The following CMTM4 variants were observed in gnomAD, a reference collection of about 807,000 sequenced individuals.
CMTM4 encodes the protein CKLF-like MARVEL transmembrane domain-containing protein 4.
In CMTM4, 8 loss-of-function variants were observed where a neutral mutation model predicts 19.0. The ratio of observed to expected loss-of-function variants is 0.42; its 90% CI spans 0.25 to 0.76. The LOEUF (loss-of-function observed/expected upper bound fraction) is 0.76, where lower values mean the gene tolerates loss of function less well. Ranked by LOEUF, CMTM4 falls within the 30% of genes least tolerant of loss-of-function variation. The pLI is 0.27. For missense variants in CMTM4, 228 were observed against 290.2 expected, an observed-to-expected ratio of 0.79 and a Z score of 1.56; for synonymous variants, 106 against 121.1, an observed-to-expected ratio of 0.88 and a Z score of 0.82.
chr16:66,691,877 C>T (rs2017142113), intron 1 of CMTM4, among the ~76,000 whole-genome samples: 1 of 152,164 alleles, frequency 6.6e-6, no homozygotes, highest in Non-Finnish European at 1.5e-5. Context: ...GATATTTTCA[C>T]ACAGTTTCTT....
At chr16:66,609,799 C>A (rs760966016), downstream of CMTM4, 2 of 1,613,522 alleles carry the variant, frequency 1.2e-6, no homozygotes, top group African/African-American at 1.3e-5. This position sits in a 1 kb window ranked among gnomAD's most constrained non-coding sequence, Gnocchi z 4.4. Context: ...CCAAGCAGAT[C>A]TGAAATGGGC....
At chr16:66,600,130 GT>G in the CMTM4 span, among the ~76,000 whole-genome samples, 1 of 143,358 alleles carries the variant, frequency 7.0e-6, no homozygotes, top group African/African-American at 2.7e-5. Flanking sequence ...GTGTGTGTGT[GT>G]GTGTGTTTTT....
chr16:66,679,649 C>G (rs1225332015), intron 1 of CMTM4, among the ~76,000 whole-genome samples: 1 of 151,802 alleles, frequency 6.6e-6, no homozygotes, highest in East Asian at 1.9e-4. Flanking sequence ...CATGGTGAAA[C>G]CCTGTCTCTA....
At chr16:66,608,205 C>G in the CMTM4 span, 1 of 1,317,256 alleles carries the variant, frequency 7.6e-7, no homozygotes, top group African/African-American at 1.5e-5. The surrounding 1 kb of genome is among the most constrained non-coding windows in gnomAD (Gnocchi z 5.1). Context: ...GTTGGCTTCC[C>G]CTGCTGGAAC....
chr16:66,688,531 C>CAT, intron 1 of CMTM4, among the ~76,000 whole-genome samples: 1 of 129,346 alleles, frequency 7.7e-6, no homozygotes. Context: ...CCCCTCAACA[C>CAT]ACACACACAC....
At chr16:66,624,060 C>T (rs1320754627) in intron 2 of CMTM4, among the ~76,000 whole-genome samples, 1 of 152,198 alleles carries the variant, frequency 6.6e-6, no homozygotes, top group East Asian at 1.9e-4. Context: ...AGATTTAGCT[C>T]GTCTTATTTG....
chr16:66,634,009 G>C (rs1307079262), intron 2 of CMTM4, among the ~76,000 whole-genome samples: 2 of 152,108 alleles, frequency 1.3e-5, no homozygotes, highest in African/African-American at 2.4e-5. Flanking sequence ...ACCACCCAGA[G>C]GAAAAGAACG....
intron 1 of CMTM4, among the ~76,000 whole-genome samples, chr16:66,642,771 T>G (rs2016119132): frequency 6.6e-6 from 1 of 152,108 alleles, no homozygotes; most frequent in Non-Finnish European, 1.5e-5. Context: ...GTTGTCAGAT[T>G]TCCACAACTG....
intron 1 of CMTM4, 85 bp from the exon 2 acceptor site, chr16:66,636,666 C>T: frequency 1.8e-6 from 2 of 1,105,508 alleles, no homozygotes; most frequent in Non-Finnish European, 2.7e-6. Context: ...TTATATAACA[C>T]TGAACAACAA....
chr16:66,693,722 T>C (rs913981287), intron 1 of CMTM4, among the ~76,000 whole-genome samples: 1 of 152,080 alleles, frequency 6.6e-6, no homozygotes, highest in East Asian at 1.9e-4. Flanking sequence ...TTCTTCCGGA[T>C]GAAAAGTACA....
intron 1 of CMTM4, among the ~76,000 whole-genome samples, chr16:66,641,591 T>C (rs187949774): frequency 1.8e-4 from 28 of 152,318 alleles, no homozygotes; most frequent in Admixed American, 1.2e-3. Context: ...GACATATAGA[T>C]AGCAAGAAGC....
At chr16:66,631,792 G>A (rs1295360627) in intron 2 of CMTM4, among the ~76,000 whole-genome samples, 2 of 152,262 alleles carry the variant, frequency 1.3e-5, no homozygotes, top group East Asian at 3.9e-4. Flanking sequence ...CACAAACACT[G>A]CGGAAGGCCA....
At chr16:66,649,483 T>TATCTATCA (rs1233047297) in intron 1 of CMTM4, among the ~76,000 whole-genome samples, 1 of 151,990 alleles carries the variant, frequency 6.6e-6, no homozygotes, top group Non-Finnish European at 1.5e-5. Flanking sequence ...TCTATCTATC[T>TATCTATCA]ATCTATCTAT....
At chr16:66,666,272 GA>G (rs1249619547) in intron 1 of CMTM4, among the ~76,000 whole-genome samples, 1 of 151,798 alleles carries the variant, frequency 6.6e-6, no homozygotes, top group Non-Finnish European at 1.5e-5. Flanking sequence ...CTAACACGGT[GA>G]AACCCCGTCT....
In CMTM4 at chr16:66,621,744, G is replaced by T; in HGVS notation, c.*314C>A. 8.6e-7 allele frequency: 1 copy of T among 1,159,154 alleles called. No homozygotes were observed. The highest frequency in any genetic ancestry group is 2.8e-5 in the South Asian group (1 of 35,358). 71.8% of individuals were successfully genotyped at this position (1,159,154 alleles called of 1,614,324 possible). ...TCTTAGCAGCCCCATTTAATCCAAA[G>T]TCTTGTTACAAATACACACGACAAG... On this transcript the variant is annotated 3_prime_UTR_variant, in exon 4 of 4. Transcript: ENST00000394106.
chr16:66,636,507 A>G lies in CMTM4; in HGVS notation c.261T>C (p.Phe87=). ...ACSPCEGLYF[F]EFVSCSAFVV... is the part of the protein sequence containing the mutation. ...CAAACGCACTGCAGCTCACAAACTC[A>G]AAAAAGTAGAGGCCTTCACACGGGG... Residue 87 remains phenylalanine (F), a synonymous_variant, in exon 2 of 4, where the codon TTT becomes TTC. Transcript: ENST00000394106. 6.2e-7 allele frequency: 1 copy of G among 1,614,054 alleles called. No individual in the cohort carries two copies. The highest frequency in any genetic ancestry group is 8.5e-7 in the Non-Finnish European group (1 of 1,179,896).
At chr16:66,641,179 G>C (rs1297516295) in intron 1 of CMTM4, among the ~76,000 whole-genome samples, 1 of 152,012 alleles carries the variant, frequency 6.6e-6, no homozygotes, top group Non-Finnish European at 1.5e-5. Flanking sequence ...CGAGTAGCTG[G>C]AACTACAGGG....
At chr16:66,637,227 C>G (rs1444573115) in intron 1 of CMTM4, among the ~76,000 whole-genome samples, 1 of 152,134 alleles carries the variant, frequency 6.6e-6, no homozygotes, top group Non-Finnish European at 1.5e-5. Context: ...TATTAAAAAA[C>G]ATTAAGAAAT....
intron 1 of CMTM4, among the ~76,000 whole-genome samples, chr16:66,641,849 CTATTA>C (rs1300487076): frequency 6.6e-6 from 1 of 152,012 alleles, no homozygotes; most frequent in Non-Finnish European, 1.5e-5. Flanking sequence ...CATAAAATAC[CTATTA>C]TATATCTTAT....
Sources: allele counts gnomAD v4.1 joint callset (sites outside exome capture counted in the v4.1 genomes callset), GRCh38; gene constraint gnomAD v4.1.1; non-coding constraint Gnocchi (gnomAD v3.1); transcripts MANE v1.5; gene names NCBI Gene and HGNC (gene_info 2026-07-23, HGNC 2026-07-21).